The following PPARG variants were observed in gnomAD, a reference collection of about 807,000 sequenced individuals.
PPARG encodes the protein peroxisome proliferator activated receptor gamma, also known as peroxisome proliferator-activated receptor gamma.
In PPARG, 17 loss-of-function variants were observed where a neutral mutation model predicts 39.2. That is an observed-to-expected ratio of 0.43 (90% CI 0.30 to 0.65). PPARG has a LOEUF of 0.65. PPARG is among the 30% of genes least tolerant of loss of function. PPARG has a pLI of 0.13. For missense variants in PPARG, 406 were observed against 585.9 expected, an observed-to-expected ratio of 0.69 and a Z score of 3.17; for synonymous variants, 223 against 215.7, an observed-to-expected ratio of 1.03 and a Z score of -0.30.
Position 12,341,097 on chromosome 3 carries a change from C to T in PPARG, c.-9+28644C>T, listed in dbSNP as rs546264150. Among the ~76,000 whole-genome samples the T allele has an allele frequency of 2.7e-3, 417 of 151,968 alleles. 2 individuals are homozygous for T. Among genetic ancestry groups the T allele is most frequent in the African/African-American group, 9.3e-3 (385 of 41,446 alleles). On this transcript the variant is annotated intron_variant, in intron 2 of 7. Coordinates refer to ENST00000651735, the MANE Select transcript of PPARG (RefSeq NM_138711.6). ...ACTTGGGAGGCTGAGGCAGAAGAAT[C>T]GCTTGAACCTGGGAGGTGGAGGTTG...
At chr3:12,304,298 G>A (rs1431149393) in intron 1 of PPARG, among the ~76,000 whole-genome samples, 1 of 152,170 alleles carries the variant, frequency 6.6e-6, no homozygotes, top group Non-Finnish European at 1.5e-5. Context: ...TTAATTGGGT[G>A]AAATAACTTT....
chr3:12,290,363 A>C (rs2046618334), intron 1 of PPARG, among the ~76,000 whole-genome samples: 1 of 152,064 alleles, frequency 6.6e-6, no homozygotes, highest in Admixed American at 6.6e-5. Flanking sequence ...ATTTCTTTTT[A>C]AAATTAAAAC....
chr3:12,296,198 G>T (rs1199859210), intron 1 of PPARG, among the ~76,000 whole-genome samples: 2 of 139,828 alleles, frequency 1.4e-5, no homozygotes, highest in Non-Finnish European at 3.0e-5. Context: ...GTTGCAGTGA[G>T]CCGAGAAGAT....
chr3:12,293,478 G>A (rs1208262647), intron 1 of PPARG, among the ~76,000 whole-genome samples: 1 of 152,118 alleles, frequency 6.6e-6, no homozygotes, highest in East Asian at 1.9e-4. Context: ...GAAGTCCTTC[G>A]CAGTTTGCCA....
intron 1 of PPARG, among the ~76,000 whole-genome samples, chr3:12,292,897 C>T (rs912229723): frequency 6.6e-6 from 1 of 152,134 alleles, no homozygotes. Flanking sequence ...AGCCACTCTG[C>T]CCACTGCAGT....
chr3:12,429,105 G>C (rs1323684423), intron 7 of PPARG, among the ~76,000 whole-genome samples: 1 of 152,156 alleles, frequency 6.6e-6, no homozygotes, highest in Non-Finnish European at 1.5e-5. Context: ...CAGTCAGGGG[G>C]ACAATGGGAC....
intron 1 of PPARG, among the ~76,000 whole-genome samples, chr3:12,289,512 C>G (rs568629335): frequency 6.6e-6 from 1 of 152,354 alleles, no homozygotes; most frequent in African/African-American, 2.4e-5. Context: ...TTAACCCCAA[C>G]TGTTTCTGTC....
chr3:12,296,777 G>C lies in PPARG; in HGVS notation c.-83+7643G>C, dbSNP rs2046797962. On this transcript the variant is annotated intron_variant, in intron 1 of 7. Coordinates refer to ENST00000651735, the MANE Select transcript of PPARG (RefSeq NM_138711.6). ...CCGCGTCAAAGACTACAACTTCAAA[G>C]ACTGGATTTTATAAAATCACAGAAG... Among the ~76,000 whole-genome samples, 4 of 152,124 alleles carry C rather than the reference G, an allele frequency of 2.6e-5. No individual in the cohort carries two copies. The South Asian group carries it at 8.3e-4, about 32-fold the overall frequency.
chr3:12,407,349 G>A (rs1037702237), intron 6 of PPARG, among the ~76,000 whole-genome samples: 1 of 152,148 alleles, frequency 6.6e-6, no homozygotes, highest in African/African-American at 2.4e-5. Context: ...TTTTAGTAGA[G>A]ATGGGTTTTC....
At chr3:12,431,866 G>A (rs1326003903) in intron 7 of PPARG, among the ~76,000 whole-genome samples, 1 of 152,118 alleles carries the variant, frequency 6.6e-6, no homozygotes, top group Non-Finnish European at 1.5e-5. Context: ...CCTGAACCCA[G>A]GAGTTGGAGG....
intron 2 of PPARG, among the ~76,000 whole-genome samples, chr3:12,333,744 C>T (rs761752189): frequency 7.9e-5 from 12 of 152,168 alleles, no homozygotes; most frequent in Non-Finnish European, 1.6e-4. Flanking sequence ...TCAGTCATTT[C>T]GTCAGTTAGT....
At chr3:12,300,990 G>A (rs2046911017) in intron 1 of PPARG, among the ~76,000 whole-genome samples, 1 of 152,112 alleles carries the variant, frequency 6.6e-6, no homozygotes, top group Non-Finnish European at 1.5e-5. Flanking sequence ...CACAATCTTA[G>A]GGAATTTCCT....
chr3:12,309,139 T>C (rs2047157366), intron 1 of PPARG, among the ~76,000 whole-genome samples: 1 of 152,216 alleles, frequency 6.6e-6, no homozygotes, highest in African/African-American at 2.4e-5. Flanking sequence ...GAACAAGTTA[T>C]CTATAGAATA....
Position 12,313,443 on chromosome 3 carries a change from A to G in PPARG, c.-9+990A>G, listed in dbSNP as rs145150917. ...TTCAGATTCCAAACTTTTTGGGCAT[A>G]TAGGTGATGCTCAAATAAAATACTC... On this transcript the variant is annotated intron_variant, in intron 2 of 7. Coordinates refer to ENST00000651735, the MANE Select transcript of PPARG (RefSeq NM_138711.6). 2.6e-5 allele frequency among the ~76,000 whole-genome samples: 4 copies of G among 152,250 alleles called. No individual in the cohort carries two copies. In the East Asian group the frequency reaches 7.7e-4, roughly 29 times the overall value.
At chr3:12,387,287 A>G (rs889371827) in intron 4 of PPARG, among the ~76,000 whole-genome samples, 1 of 152,188 alleles carries the variant, frequency 6.6e-6, no homozygotes, top group Non-Finnish European at 1.5e-5. Context: ...TCCTTGAGGA[A>G]TTGCCACACT....
chr3:12,389,102 A>G (rs759469060), intron 4 of PPARG, among the ~76,000 whole-genome samples: 38 of 152,200 alleles, frequency 2.5e-4, no homozygotes, highest in Non-Finnish European at 5.0e-4. Flanking sequence ...TCACTGATCA[A>G]TGGAAGAGTA....
At chr3:12,410,345 G>C (rs2125267943) in intron 6 of PPARG, among the ~76,000 whole-genome samples, 1 of 152,238 alleles carries the variant, frequency 6.6e-6, no homozygotes, top group South Asian at 2.1e-4. Flanking sequence ...TATTACCCTG[G>C]TGCGATGATC....
intron 1 of PPARG, among the ~76,000 whole-genome samples, chr3:12,304,241 A>G (rs1158088956): frequency 6.6e-6 from 1 of 152,240 alleles, no homozygotes; most frequent in African/African-American, 2.4e-5. Flanking sequence ...GGGGTTGAAT[A>G]AGACCAGGCG....
intron 7 of PPARG, among the ~76,000 whole-genome samples, chr3:12,423,600 C>G (rs1019142187): frequency 2.0e-5 from 3 of 152,202 alleles, no homozygotes; most frequent in African/African-American, 7.2e-5. Flanking sequence ...CCTTCCACCC[C>G]CTCTTCATCT....
Sources: gnomAD v4.1 joint callset for allele counts (sites outside exome capture counted in the v4.1 genomes callset) on GRCh38, gnomAD v4.1.1 for gene constraint, MANE v1.5 for transcripts, NCBI Gene and HGNC (gene_info 2026-07-23, HGNC 2026-07-21) for gene names.